Variants in GLB1 observed in about 807,000 individuals in gnomAD.
The protein encoded by GLB1 is galactosidase beta 1.
In GLB1, 56 loss-of-function variants were observed where a neutral mutation model predicts 74.0. The observed-to-expected ratio is 0.76, with a 90% CI of 0.61 to 0.94. The LOEUF (loss-of-function observed/expected upper bound fraction) is 0.94, where lower values mean the gene tolerates loss of function less well. Ranked by LOEUF, GLB1 falls within the 40% of genes least tolerant of loss-of-function variation. GLB1 has a pLI of 0.00. For synonymous variants in GLB1, 323 were observed against 323.6 expected (o/e 1.00, Z 0.02); for missense variants, 787 against 845.5 (o/e 0.93, Z 0.86).
chr3:33,032,615 G>C (rs188571307), intron 10 of GLB1, among the ~76,000 whole-genome samples: 1 of 152,212 alleles, frequency 6.6e-6, no homozygotes, highest in Non-Finnish European at 1.5e-5. Flanking sequence ...TGTGGAGACA[G>C]TCTCACTATG....
intron 1 of GLB1, chr3:33,096,759 A>C (rs377717944): frequency 7.6e-7 from 1 of 1,315,816 alleles, no homozygotes; most frequent in Non-Finnish European, 9.6e-7. Context: ...AGTGGATCCA[A>C]GCGCAAAGGG....
intron 10 of GLB1, chr3:33,038,075 T>C (rs936379292): frequency 9.6e-5 from 14 of 146,456 alleles, no homozygotes; most frequent in Non-Finnish European, 1.3e-4. Flanking sequence ...AGGTAACAAA[T>C]TGCATATCTG....
chr3:33,029,968 AAAAG>A (rs915022561), intron 10 of GLB1: 8 of 152,014 alleles, frequency 5.3e-5, no homozygotes, highest in Admixed American at 1.3e-4. Flanking sequence ...AAAAAAAAAA[AAAAG>A]AAAAGTAATG....
chr3:33,065,295 A>G (rs1189111274), intron 5 of GLB1, among the ~76,000 whole-genome samples, 168 bp downstream of exon 5: 1 of 152,164 alleles, frequency 6.6e-6, no homozygotes, highest in African/African-American at 2.4e-5. Context: ...GGCATTCAAA[A>G]ATGGCAATGC....
the GLB1 span, among the ~76,000 whole-genome samples, chr3:32,989,595 T>C: frequency 4.6e-5 from 7 of 152,320 alleles, no homozygotes; most frequent in Admixed American, 6.5e-5. Context: ...ACAAGACTCA[T>C]GGGTCAATCA....
chr3:33,000,139 A>G (rs1696494694), intron 15 of GLB1, among the ~76,000 whole-genome samples: 1 of 151,714 alleles, frequency 6.6e-6, no homozygotes. Flanking sequence ...AGGTTTCGCC[A>G]TGTTGCCCAG....
intron 10 of GLB1, among the ~76,000 whole-genome samples, chr3:33,026,658 C>T (rs1191871760): frequency 6.6e-6 from 1 of 152,168 alleles, no homozygotes; most frequent in African/African-American, 2.4e-5. Flanking sequence ...CTCCTCCCCA[C>T]TGAAGCCCAT....
the GLB1 span, among the ~76,000 whole-genome samples, chr3:32,970,324 T>G: frequency 6.6e-6 from 1 of 152,106 alleles, no homozygotes; most frequent in South Asian, 2.1e-4. Flanking sequence ...CCGAGTCAGG[T>G]GCACCCCCAC....
the GLB1 span, among the ~76,000 whole-genome samples, chr3:32,964,460 G>A: frequency 6.6e-6 from 1 of 152,170 alleles, no homozygotes; most frequent in Non-Finnish European, 1.5e-5. Flanking sequence ...AACTTCTTGA[G>A]GGTTACAGAT....
In GLB1 at chr3:33,011,450, A is replaced by T. The variant is rs199635758; in HGVS notation, c.1734+2606T>A. ...TGAAACCCCGTCTCCAATAAAAATA[A>T]AAAAAAAACAAAAAATAAAAAATAA... On this transcript the variant is annotated intron_variant, in intron 15 of 15. Transcript: ENST00000307363. Among the ~76,000 whole-genome samples, 5 of 63,896 alleles carry T rather than the reference A, an allele frequency of 7.8e-5. No individual in the cohort carries two copies. The South Asian group carries it at 3.8e-3, about 49-fold the overall frequency. 41.9% of individuals were successfully genotyped at this position (63,896 alleles called of 152,430 possible). A position where few individuals can be genotyped will look rare whatever the true frequency, so the allele number is the denominator to read the frequency against.
At chr3:32,976,917 C>T in the GLB1 span, among the ~76,000 whole-genome samples, 1 of 152,186 alleles carries the variant, frequency 6.6e-6, no homozygotes, top group Non-Finnish European at 1.5e-5. Flanking sequence ...TGAGCTTGTG[C>T]TGTGACACTG....
intron 12 of GLB1, among the ~76,000 whole-genome samples, chr3:33,020,375 G>T (rs1236435754): frequency 6.6e-6 from 1 of 152,164 alleles, no homozygotes; most frequent in African/African-American, 2.4e-5. Flanking sequence ...GGAGGACGTG[G>T]ATAACCTTCC....
At position 33,097,110 on chromosome 3, in the gene GLB1, G is replaced by A. The variant is rs368944274; in HGVS notation, c.-25C>T. The A allele has an allele frequency of 1.9e-6, 3 of 1,610,684 alleles. No individual in the cohort carries two copies. Among genetic ancestry groups the A allele is most frequent in the Non-Finnish European group, 2.5e-6 (3 of 1,178,386 alleles). ...TGACCACCAGCCTCCCGGCTCTGCA[G>A]TCGGCGCCCAGGCCGGCCGCTTCGC... On this transcript the variant is annotated 5_prime_UTR_variant, in exon 1 of 16. Coordinates refer to ENST00000307363, the MANE Select transcript of GLB1 (RefSeq NM_000404.4).
chr3:33,096,869 G>A, intron 1 of GLB1, 142 bp downstream of exon 1: 7 of 1,419,274 alleles, frequency 4.9e-6, no homozygotes, highest in Non-Finnish European at 6.4e-6. Flanking sequence ...CCTGCGTTCC[G>A]CCGGCCGCGA....
intron 10 of GLB1, among the ~76,000 whole-genome samples, chr3:33,035,745 G>A (rs1698247934): frequency 6.6e-6 from 1 of 152,150 alleles, no homozygotes; most frequent in Non-Finnish European, 1.5e-5. Context: ...CTTTGTTATT[G>A]TAGCTCAAAC....
the GLB1 span, among the ~76,000 whole-genome samples, chr3:32,966,239 C>A: frequency 6.6e-6 from 1 of 152,240 alleles, no homozygotes; most frequent in Admixed American, 6.5e-5. Context: ...GGGCTATACC[C>A]TGCAAAGCCA....
intron 4 of GLB1, among the ~76,000 whole-genome samples, chr3:33,067,247 C>T (rs1391820800): frequency 6.6e-6 from 1 of 152,132 alleles, no homozygotes; most frequent in East Asian, 1.9e-4. Flanking sequence ...AGGTGATCCA[C>T]CCACCTCGGC....
At chr3:33,011,448 TAA>T (rs63030461) in intron 15 of GLB1, among the ~76,000 whole-genome samples, 41,964 of 142,880 alleles carry the variant, frequency 0.29, 6,591 homozygotes, top group East Asian at 0.55. Context: ...CCAATAAAAA[TAA>T]AAAAAAAACA....
intron 1 of GLB1, among the ~76,000 whole-genome samples, chr3:33,084,521 T>C (rs963035870): frequency 7.0e-6 from 1 of 143,056 alleles, no homozygotes; most frequent in African/African-American, 2.7e-5. Flanking sequence ...ATTAACTTTA[T>C]GTTTTCACGC....
Sources: gnomAD v4.1 joint callset for allele counts (sites outside exome capture counted in the v4.1 genomes callset) on GRCh38, gnomAD v4.1.1 for gene constraint, MANE v1.5 for transcripts, NCBI Gene and HGNC (gene_info 2026-07-23, HGNC 2026-07-21) for gene names.